NAV2: variants seen among roughly 807,000 people sequenced by gnomAD.
NAV2 encodes helicase, APC down-regulated 1.
NAV2 carries 54 observed loss-of-function variants against 223.2 expected under a neutral mutation model. The ratio of observed to expected loss-of-function variants is 0.24; its 90% CI spans 0.19 to 0.30. The LOEUF (loss-of-function observed/expected upper bound fraction) is 0.30. NAV2 is among the 10% of genes least tolerant of loss of function. The pLI is 1.00. For synonymous variants in NAV2, 1,279 were observed against 1,239.3 expected (o/e 1.03, Z -0.67); for missense variants, 2,806 against 3,147.5 (o/e 0.89, Z 2.60).
At chr11:19,893,543 G>A (rs1050578438) in intron 6 of NAV2, among the ~76,000 whole-genome samples, 17 of 152,234 alleles carry the variant, frequency 1.1e-4, no homozygotes, top group Middle Eastern at 3.4e-3. Flanking sequence ...GGGAACCGCC[G>A]CCATTTTCTC....
chr11:19,820,460 A>G (rs894547), intron 1 of NAV2, among the ~76,000 whole-genome samples: 145,309 of 152,306 alleles, frequency 0.95, 69,682 homozygotes, highest in East Asian at 1. Flanking sequence ...GGTTGGAGAG[A>G]GTGGGAGGAA....
rs2056323734 is a variant in NAV2, at chr11:19,777,259, C to G, written c.268-55225C>G. ...AGCTGGGCAGCGCGGGCGCCGGTCTCCAGGGTAGGGTCCCCGCGCGCAGCA... is the reference window on the plus strand; with the variant it reads ...AGCTGGGCAGCGCGGGCGCCGGTCTGCAGGGTAGGGTCCCCGCGCGCAGCA... On this transcript the variant is annotated intron_variant, in intron 1 of 37. Transcript: ENST00000349880. Among the ~76,000 whole-genome samples the G allele has an allele frequency of 6.6e-5, 10 of 151,576 alleles. No individual in the cohort carries two copies. The South Asian group carries it at 2.1e-3, about 31-fold the overall frequency.
intron 1 of NAV2, among the ~76,000 whole-genome samples, chr11:19,669,712 G>C (rs898504604): frequency 6.6e-6 from 1 of 152,216 alleles, no homozygotes; most frequent in Non-Finnish European, 1.5e-5. Flanking sequence ...AGCTTGGTAA[G>C]AGGGTCCTAT....
chr11:19,894,514 C>T (rs1053382951), intron 6 of NAV2, among the ~76,000 whole-genome samples: 1 of 152,156 alleles, frequency 6.6e-6, no homozygotes, highest in African/African-American at 2.4e-5. Context: ...GTGGATTTAA[C>T]AGGTATAGAA....
At chr11:20,101,588 A>C (rs2061646288) in intron 32 of NAV2, among the ~76,000 whole-genome samples, 1 of 152,212 alleles carries the variant, frequency 6.6e-6, no homozygotes, top group Non-Finnish European at 1.5e-5. Context: ...TTCTCACAGC[A>C]ATACCTTCAC....
chr11:19,672,437 C>G lies in NAV2; in HGVS notation c.76-160047C>G, dbSNP rs75692225. Among the ~76,000 whole-genome samples the G allele has an allele frequency of 8.0e-3, 1,224 of 152,308 alleles. 23 individuals carry two copies. The highest frequency in any genetic ancestry group is 0.028 in the African/African-American group (1,170 of 41,558). ...CTCAGCTTGGGTTCTATTCCTGGCT[C>G]TGCCACCAACTGACCTTGGTTGAGT... On this transcript the variant is annotated intron_variant, in intron 1 of 37. Transcript: ENST00000360655.
intron 1 of NAV2, among the ~76,000 whole-genome samples, chr11:19,377,718 A>C (rs1328776807): frequency 6.6e-6 from 1 of 152,142 alleles, no homozygotes; most frequent in Admixed American, 6.5e-5. Flanking sequence ...CATTTTACAG[A>C]CAAGACTCTC....
chr11:19,735,914 G>A (rs999307105), intron 1 of NAV2, among the ~76,000 whole-genome samples: 1 of 152,212 alleles, frequency 6.6e-6, no homozygotes, highest in African/African-American at 2.4e-5. Context: ...AGAATGCTGG[G>A]GGCTGTCTAC....
At position 20,068,337 on chromosome 11, in the gene NAV2, G is replaced by A; in HGVS notation, c.4922G>A (p.Arg1641Gln). ...TGTCATCTTTAGATTCGCAAGCTGC[G>A]GCGGGAACTGGATGCCTCCCAGGAG... is the stretch of plus-strand genomic sequence containing the variant. Reference protein sequence around the residue: ...EKCQSEIRKLRRELDASQEKV... With the variant: ...EKCQSEIRKLQRELDASQEKV... The change falls in exon 22 of 38, where the codon CGG becomes CAG. Residue 1641 changes from arginine to glutamine, a missense_variant. Around this residue, in one of 4 missense-constraint regions of NAV2, gnomAD observed 824 missense variants for 1,069.4 expected, o/e 0.77. Transcript: ENST00000349880. 1.9e-6 allele frequency: 3 copies of A among 1,614,112 alleles called. No individual in the cohort carries two copies. The highest frequency in any genetic ancestry group is 2.2e-5 in the East Asian group (1 of 44,882).
upstream of NAV2, chr11:19,711,383 C>T (rs2049867279): frequency 6.6e-6 from 1 of 152,122 alleles, no homozygotes; most frequent in African/African-American, 2.4e-5. Flanking sequence ...TGGTAAGGGC[C>T]CTCTTCCTGG....
chr11:20,028,880 A>G (rs2055387240), intron 11 of NAV2, among the ~76,000 whole-genome samples: 1 of 152,192 alleles, frequency 6.6e-6, no homozygotes, highest in Non-Finnish European at 1.5e-5. Context: ...TAACGCCTCT[A>G]TACCAGAGTT....
At chr11:19,722,683 A>C (rs2050849649) in intron 1 of NAV2, among the ~76,000 whole-genome samples, 1 of 152,246 alleles carries the variant, frequency 6.6e-6, no homozygotes, top group Admixed American at 6.5e-5. Flanking sequence ...AAGAAGGGTA[A>C]GGGGAGATAA....
At chr11:19,553,701 T>C (rs2044767736) in intron 1 of NAV2, among the ~76,000 whole-genome samples, 1 of 152,232 alleles carries the variant, frequency 6.6e-6, no homozygotes, top group African/African-American at 2.4e-5. Flanking sequence ...CATGCAAATA[T>C]GCCTTGGCAT....
chr11:19,466,818 A>C (rs1360807366), intron 1 of NAV2, among the ~76,000 whole-genome samples: 1 of 152,204 alleles, frequency 6.6e-6, no homozygotes, highest in Non-Finnish European at 1.5e-5. Context: ...TAATTGTTAC[A>C]GAGATCTTAG....
At chr11:19,538,015 TCCAGAACTCAGA>T (rs2044237004) in intron 1 of NAV2, among the ~76,000 whole-genome samples, 1 of 151,948 alleles carries the variant, frequency 6.6e-6, no homozygotes, top group Non-Finnish European at 1.5e-5. Flanking sequence ...AGAAGGAGAG[TCCAGAACTCAGA>T]CCTGGGTTCC....
rs74934361 is a variant in NAV2, at chr11:19,975,701, A to G, written c.2646-8424A>G. 4.5e-3 allele frequency among the ~76,000 whole-genome samples: 688 copies of G among 152,348 alleles called. 1 individual carries two copies. Among genetic ancestry groups the G allele is most frequent in the Non-Finnish European group, 7.3e-3 (498 of 68,032 alleles). Reference sequence around the variant, plus strand: ...GGGTAACGTGAATTGTAGCAATGCCATGAGCCACTGCGGAATTGGTTTATA... The same window carrying G: ...GGGTAACGTGAATTGTAGCAATGCCGTGAGCCACTGCGGAATTGGTTTATA... On this transcript the variant is annotated intron_variant, in intron 10 of 37. Transcript: ENST00000349880.
At chr11:19,458,804 C>T (rs577439203) in intron 1 of NAV2, among the ~76,000 whole-genome samples, 1 of 152,242 alleles carries the variant, frequency 6.6e-6, no homozygotes, top group African/African-American at 2.4e-5. Context: ...TACCACCTTT[C>T]TAGTCATACC....
chr11:19,770,801 T>G (rs894929233), intron 1 of NAV2, among the ~76,000 whole-genome samples: 1 of 152,168 alleles, frequency 6.6e-6, no homozygotes, highest in Non-Finnish European at 1.5e-5. Flanking sequence ...TAATCTTCAC[T>G]CTCCAAAAGC....
At chr11:19,390,366 C>A (rs1849199990) in intron 1 of NAV2, among the ~76,000 whole-genome samples, 1 of 152,102 alleles carries the variant, frequency 6.6e-6, no homozygotes, top group Non-Finnish European at 1.5e-5. Context: ...TGGATGACTC[C>A]CAGATCTGCC....
Sources: gnomAD v4.1 joint callset for allele counts (sites outside exome capture counted in the v4.1 genomes callset) on GRCh38, gnomAD v4.1.1 for gene constraint, gnomAD v4.1.1 regional missense constraint, MANE v1.5 for transcripts, NCBI Gene and HGNC (gene_info 2026-07-23, HGNC 2026-07-21) for gene names.